Variants in SEMA3C observed in about 807,000 individuals in gnomAD.
SEMA3C encodes semaphorin 3C.
Under a neutral mutation model 89.4 loss-of-function variants are expected in SEMA3C, and 47 were observed. The ratio of observed to expected loss-of-function variants is 0.53; its 90% CI spans 0.42 to 0.67. The LOEUF is 0.67. Among genes scored for constraint, SEMA3C ranks in the 30% least tolerant of loss-of-function variants. The probability of loss-of-function intolerance (pLI) is 0.00; values close to 1 mark genes in which losing one functional copy is unlikely to be tolerated. For missense variants in SEMA3C, 839 were observed against 929.1 expected, an observed-to-expected ratio of 0.90 and a Z score of 1.26; for synonymous variants, 310 against 320.2, an observed-to-expected ratio of 0.97 and a Z score of 0.34.
At chr7:80,901,066 G>C (rs897003414) in intron 2 of SEMA3C, among the ~76,000 whole-genome samples, 1 of 152,266 alleles carries the variant, frequency 6.6e-6, no homozygotes, top group Non-Finnish European at 1.5e-5. Context: ...TCACAGTTTT[G>C]CCTGTTGTAC....
At chr7:80,850,900 C>T (rs943452462) in intron 2 of SEMA3C, among the ~76,000 whole-genome samples, 1 of 152,150 alleles carries the variant, frequency 6.6e-6, no homozygotes, top group African/African-American at 2.4e-5. Context: ...TTTTCTCTCA[C>T]ACTTCTAGAG....
chr7:80,813,901 A>T lies in SEMA3C; in HGVS notation c.448-3200T>A, dbSNP rs148177369. ...TTGCATTGAAACACTTATTGATAAG[A>T]TCTTTAATGACAATTATGGTACAAA... On this transcript the variant is annotated intron_variant, in intron 5 of 17. Transcript: ENST00000265361. 6.1e-4 allele frequency among the ~76,000 whole-genome samples: 93 copies of T among 152,294 alleles called. No homozygotes were observed. The East Asian group carries it at 0.016, about 27-fold the overall frequency.
intron 2 of SEMA3C, among the ~76,000 whole-genome samples, chr7:80,907,936 A>G (rs962627690): frequency 6.6e-6 from 1 of 152,078 alleles, no homozygotes; most frequent in African/African-American, 2.4e-5. Flanking sequence ...CTTTATTAAA[A>G]GTTGTTCAAT....
intron 2 of SEMA3C, among the ~76,000 whole-genome samples, chr7:80,851,570 T>C (rs1200798167): frequency 1.4e-5 from 2 of 147,844 alleles, no homozygotes; most frequent in African/African-American, 5.0e-5. Context: ...GAGCACATCA[T>C]TCATGGGGCC....
At chr7:80,866,257 A>G (rs1790924043) in intron 2 of SEMA3C, among the ~76,000 whole-genome samples, 1 of 152,288 alleles carries the variant, frequency 6.6e-6, no homozygotes, top group African/African-American at 2.4e-5. Context: ...GTTACCACTT[A>G]GGCCTGAGAC....
intron 2 of SEMA3C, among the ~76,000 whole-genome samples, chr7:80,843,294 T>C (rs1017616016): frequency 2.6e-5 from 4 of 152,186 alleles, no homozygotes; most frequent in Non-Finnish European, 4.4e-5. Context: ...TCTATGCATG[T>C]GACAAAATAT....
chr7:80,771,634 G>A (rs1788436807), intron 12 of SEMA3C, among the ~76,000 whole-genome samples: 2 of 152,254 alleles, frequency 1.3e-5, no homozygotes, highest in South Asian at 4.2e-4. Flanking sequence ...TACTAAGCAG[G>A]TCATTGGAAT....
At chr7:80,802,865 G>T in intron 8 of SEMA3C, 86 bp from the exon 9 acceptor site, 1 of 880,682 alleles carries the variant, frequency 1.1e-6, no homozygotes. Context: ...TAGTTGCTTG[G>T]AGGATGAAAA....
chr7:80,810,710 T>C lies in SEMA3C; in HGVS notation c.448-9A>G, dbSNP rs767886332. 35 of 1,602,336 alleles carry C rather than the reference T, an allele frequency of 2.2e-5. 1 individual carries two copies. In the South Asian group the frequency reaches 3.5e-4, roughly 16 times the overall value. On this transcript the variant is annotated splice_polypyrimidine_tract_variant and intron_variant, in intron 5 of 17. Transcript: ENST00000265361. Reference sequence around the variant, plus strand: ...ATCATGAAAACTTGGTCCTTTATTGTAGATAAAATTTAAAATGTGGCAATG... The same window carrying C: ...ATCATGAAAACTTGGTCCTTTATTGCAGATAAAATTTAAAATGTGGCAATG...
At chr7:80,900,469 C>A (rs998072272) in intron 2 of SEMA3C, among the ~76,000 whole-genome samples, 3 of 152,104 alleles carry the variant, frequency 2.0e-5, no homozygotes, top group African/African-American at 7.2e-5. Flanking sequence ...ACACATATTA[C>A]CTAATTTAAT....
intron 2 of SEMA3C, among the ~76,000 whole-genome samples, chr7:80,869,029 G>A (rs1250700977): frequency 6.6e-6 from 1 of 152,078 alleles, no homozygotes; most frequent in Non-Finnish European, 1.5e-5. Context: ...ATATTTAAGA[G>A]CATAATATGC....
At chr7:80,795,529 T>C (rs1245716814) in intron 11 of SEMA3C, among the ~76,000 whole-genome samples, 1 of 152,206 alleles carries the variant, frequency 6.6e-6, no homozygotes, top group Non-Finnish European at 1.5e-5. Flanking sequence ...CTACACTGCT[T>C]TGGAACAGGA....
At chr7:80,776,814 T>C (rs2117083835) in intron 12 of SEMA3C, among the ~76,000 whole-genome samples, 1 of 152,336 alleles carries the variant, frequency 6.6e-6, no homozygotes, top group East Asian at 1.9e-4. Context: ...TTCATTACCA[T>C]TTGTATTGCT....
chr7:80,862,282 T>A (rs1159136440), intron 2 of SEMA3C, among the ~76,000 whole-genome samples: 1 of 152,016 alleles, frequency 6.6e-6, no homozygotes, highest in Non-Finnish European at 1.5e-5. Flanking sequence ...CAGTAGTAGC[T>A]TGTGTACCAA....
chr7:80,798,544 CTGA>C (rs1462440821), intron 10 of SEMA3C, among the ~76,000 whole-genome samples: 3 of 152,148 alleles, frequency 2.0e-5, no homozygotes, highest in Non-Finnish European at 2.9e-5. Context: ...AGAAAGTATA[CTGA>C]TGATTTTATT....
chr7:80,743,921 A>C lies in SEMA3C; in HGVS notation c.*973T>G, dbSNP rs1404121333. 2 of 152,026 alleles carry C rather than the reference A, an allele frequency of 1.3e-5. No homozygotes were observed. The highest frequency in any genetic ancestry group is 2.9e-5 in the Non-Finnish European group (2 of 67,906). The allele number at this position is 152,026 out of a possible 1,614,324, so 9.4% of individuals were successfully genotyped here. ...GAAGAATCATTGAATTTGAGTACTG[A>C]AGTTGAAAACTAGCCATATTTGTTA... On this transcript the variant is annotated 3_prime_UTR_variant, in exon 18 of 18. Transcript: ENST00000265361.
At chr7:80,893,478 A>AAC (rs1791663492) in intron 2 of SEMA3C, among the ~76,000 whole-genome samples, 1 of 152,162 alleles carries the variant, frequency 6.6e-6, no homozygotes, top group South Asian at 2.1e-4. Context: ...TCTAGCCTTC[A>AAC]ACACTGATTG....
chr7:80,876,089 C>A (rs994166823), intron 2 of SEMA3C, among the ~76,000 whole-genome samples: 2 of 152,026 alleles, frequency 1.3e-5, no homozygotes, highest in Non-Finnish European at 2.9e-5. Flanking sequence ...TGATGGAAAT[C>A]GAGTTTGCCA....
At chr7:80,856,555 A>C (rs936288352) in intron 2 of SEMA3C, among the ~76,000 whole-genome samples, 3 of 151,218 alleles carry the variant, frequency 2.0e-5, no homozygotes, top group East Asian at 1.9e-4. Flanking sequence ...AAAAAAAAAA[A>C]AACTAGGTTG....
Sources: gnomAD v4.1 joint callset for allele counts (sites outside exome capture counted in the v4.1 genomes callset) on GRCh38, gnomAD v4.1.1 for gene constraint, MANE v1.5 for transcripts, NCBI Gene and HGNC (gene_info 2026-07-23, HGNC 2026-07-21) for gene names.